Variants in NELFCD observed in about 807,000 individuals in gnomAD.
The protein encoded by NELFCD is negative elongation factor C/D.
In NELFCD, 48 loss-of-function variants were observed where a neutral mutation model predicts 72.9. The ratio of observed to expected loss-of-function variants is 0.66; its 90% CI spans 0.52 to 0.84. The LOEUF (loss-of-function observed/expected upper bound fraction) is 0.84. Among genes scored for constraint, NELFCD ranks in the 40% least tolerant of loss-of-function variants. NELFCD has a pLI of 0.00. For missense variants in NELFCD, 538 were observed against 723.8 expected (o/e 0.74, Z 2.94); for synonymous variants, 297 against 280.6 (o/e 1.06, Z -0.59).
chr20:58,984,060 G>A (rs920779216), intron 1 of NELFCD, among the ~76,000 whole-genome samples: 1 of 152,152 alleles, frequency 6.6e-6, no homozygotes, highest in African/African-American at 2.4e-5. Flanking sequence ...AAAGATAGTT[G>A]GTGACCCAAA....
In NELFCD at chr20:58,991,320, T is replaced by G; in HGVS notation, c.963T>G (p.Val321=). ...CATATGCTTCTCCTCAGATCCGCGT[T>G]CCAGCCTTCCTGGACCTGTTCATGC... The part of the protein sequence containing the change: ...MDPPPVELIR[V]PAFLDLFMQS... The change falls in exon 9 of 15, where the codon GTT becomes GTG. Residue 321 remains valine (V), a synonymous_variant. Transcript: ENST00000652272. 2.5e-6 allele frequency: 4 copies of G among 1,614,182 alleles called. No homozygotes were observed. The highest frequency in any genetic ancestry group is 3.4e-6 in the Non-Finnish European group (4 of 1,180,034).
chr20:58,993,787 C>G lies in NELFCD; in HGVS notation c.1581+23C>G. The G allele has an allele frequency of 1.2e-6, 2 of 1,612,578 alleles. No individual in the cohort carries two copies. The highest frequency in any genetic ancestry group is 1.7e-6 in the Non-Finnish European group (2 of 1,179,352). On this transcript the variant is annotated intron_variant, in intron 13 of 14. Coordinates refer to ENST00000652272, the MANE Select transcript of NELFCD (RefSeq NM_198976.4). The surrounding 1 kb of genome is among the most constrained non-coding windows in gnomAD (Gnocchi z 5.0). The stretch of plus-strand genomic sequence containing the variant: ...GAGGTCAGCAATGCACCGTTGGTTT[C>G]ATGTTTCATACTGTTTACACTAGCA...
intron 7 of NELFCD, chr20:58,990,252 T>G: frequency 2.5e-6 from 1 of 397,752 alleles, no homozygotes; most frequent in Non-Finnish European, 4.7e-6. Flanking sequence ...AATACAAAAT[T>G]AGCCGGGTGT....
chr20:58,987,907 T>C (rs889474094), intron 4 of NELFCD, 90 bp downstream of exon 4: 5 of 936,112 alleles, frequency 5.3e-6, no homozygotes, highest in Non-Finnish European at 8.5e-6. Context: ...ATCATGTAAG[T>C]AATGGCAGAG....
chr20:58,983,893 T>G (rs1279141887), intron 1 of NELFCD, among the ~76,000 whole-genome samples: 1 of 152,062 alleles, frequency 6.6e-6, no homozygotes. Context: ...TTGGGGAATT[T>G]TAATCATGAT....
intron 14 of NELFCD, 126 bp from the exon 15 acceptor site, chr20:58,994,516 C>T (rs977938156): frequency 2.9e-5 from 23 of 796,246 alleles, no homozygotes; most frequent in Middle Eastern, 5.0e-4. Flanking sequence ...GAGCCAAGAT[C>T]GCGCCATTGC....
At position 58,991,398 on chromosome 20, in the gene NELFCD, C is replaced by T. The variant is rs755355355; in HGVS notation, c.1041C>T (p.Tyr347=). Residue 347 remains tyrosine, a synonymous_variant, in exon 9 of 15, where the codon TAC becomes TAT. Transcript: ENST00000652272. ...ARINQDHKHK[Y]IHILAYAASV... ...TCAACCAGGACCACAAGCACAAATACATCCACATCTTGGCGTACGCAGCAA... is the reference window on the plus strand; with the variant it reads ...TCAACCAGGACCACAAGCACAAATATATCCACATCTTGGCGTACGCAGCAA... 3.1e-6 allele frequency: 5 copies of T among 1,614,238 alleles called. No homozygotes were observed. Among genetic ancestry groups the T allele is most frequent in the Non-Finnish European group, 4.2e-6 (5 of 1,180,044 alleles).
At chr20:58,983,453 T>C (rs1176155992) in intron 1 of NELFCD, among the ~76,000 whole-genome samples, 7 of 141,280 alleles carry the variant, frequency 5.0e-5, no homozygotes, top group Middle Eastern at 4.0e-3. Context: ...TTTTTTTTTT[T>C]CTTTGAGACG....
chr20:58,981,853 C>CT (rs1424423049), intron 1 of NELFCD, among the ~76,000 whole-genome samples: 1 of 152,210 alleles, frequency 6.6e-6, no homozygotes, highest in Non-Finnish European at 1.5e-5. Flanking sequence ...GTTTTATAAA[C>CT]TGTACTCTTC....
rs1316555222 is a variant in NELFCD, at chr20:58,986,916, T to C, written c.286+53T>C. The stretch of plus-strand genomic sequence containing the variant: ...CTAGTTACCCCCACTTTTTTAAAAA[T>C]AGACTTTTGGGTCCTTATAACACTG... On this transcript the variant is annotated intron_variant, in intron 3 of 14. Coordinates refer to ENST00000652272, the MANE Select transcript of NELFCD (RefSeq NM_198976.4). This position sits in a 1 kb window ranked among gnomAD's most constrained non-coding sequence, Gnocchi z 4.4. The C allele has an allele frequency of 8.3e-7, 1 of 1,197,982 alleles. No individual in the cohort carries two copies. Among genetic ancestry groups the C allele is most frequent in the East Asian group, 2.4e-5 (1 of 42,308 alleles). 74.2% of individuals were successfully genotyped at this position (1,197,982 alleles called of 1,614,324 possible).
At position 58,993,451 on chromosome 20, in the gene NELFCD, C is replaced by T; in HGVS notation, c.1347C>T (p.Ile449=). The part of the protein sequence containing the change: ...TPVHLALLDE[I]STCHQLLHPQ... The stretch of plus-strand genomic sequence containing the variant: ...AGCTCCCTCTGGCCTGTTTGTAGAT[C>T]AGCACCTGCCACCAGCTCCTGCACC... The change falls in exon 12 of 15, where the codon ATC becomes ATT. Residue 449 remains isoleucine (I), a splice_region_variant and synonymous_variant. Transcript: ENST00000652272. The surrounding 1 kb of genome is among the most constrained non-coding windows in gnomAD (Gnocchi z 5.0). The T allele has an allele frequency of 6.2e-7, 1 of 1,613,520 alleles. No individual in the cohort carries two copies. Among genetic ancestry groups the T allele is most frequent in the Non-Finnish European group, 8.5e-7 (1 of 1,180,002 alleles).
At chr20:58,983,177 C>T (rs2091748684) in intron 1 of NELFCD, among the ~76,000 whole-genome samples, 1 of 149,618 alleles carries the variant, frequency 6.7e-6, no homozygotes, top group South Asian at 2.1e-4. Flanking sequence ...CGCTTAGCTG[C>T]TCAGGCTGGA....
At chr20:58,983,337 C>T (rs1201121654) in intron 1 of NELFCD, among the ~76,000 whole-genome samples, 3 of 151,810 alleles carry the variant, frequency 2.0e-5, no homozygotes, top group Admixed American at 6.6e-5. Flanking sequence ...TGTTTCACCA[C>T]GTTGGCCAGG....
chr20:58,987,704 T>A lies in NELFCD; in HGVS notation c.287-4T>A, dbSNP rs765226056. ...ATTGTCTAGTTGCTTTTATTCTCTT[T>A]CAGGTGTTGAGCCAGTGCAGGTTCA... On this transcript the variant is annotated splice_polypyrimidine_tract_variant and splice_region_variant and intron_variant, in intron 3 of 14. Transcript: ENST00000652272. 6.2e-7 allele frequency: 1 copy of A among 1,612,890 alleles called. No homozygotes were observed. Among genetic ancestry groups the A allele is most frequent in the African/African-American group, 1.3e-5 (1 of 74,888 alleles).
In NELFCD at chr20:58,992,979, C is replaced by A; in HGVS notation, c.1230-19C>A. On this transcript the variant is annotated intron_variant, in intron 10 of 14. Transcript: ENST00000652272. ...GTTTTAAATTGTTTTTTAAAGGAAG[C>A]ATTCTGCCTTAACTGTAGGTTTCCA... is the stretch of plus-strand genomic sequence containing the variant. The A allele has an allele frequency of 1.3e-6, 2 of 1,552,536 alleles. No homozygotes were observed. The highest frequency in any genetic ancestry group is 1.8e-6 in the Non-Finnish European group (2 of 1,124,596).
chr20:58,991,812 A>G, intron 9 of NELFCD, 69 bp from the exon 10 acceptor site: 1 of 1,561,360 alleles, frequency 6.4e-7, no homozygotes, highest in South Asian at 1.2e-5. Context: ...GAAGTGGCCG[A>G]CACCAGAACA....
intron 14 of NELFCD, among the ~76,000 whole-genome samples, 176 bp from the exon 15 acceptor site, chr20:58,994,466 G>A (rs538955384): frequency 2.0e-5 from 3 of 151,880 alleles, no homozygotes; most frequent in Non-Finnish European, 4.4e-5. Context: ...GGGAGGCTGA[G>A]GCAGGAGAAT....
At chr20:58,981,409 C>G in intron 1 of NELFCD, 40 bp downstream of exon 1, 1 of 942,808 alleles carries the variant, frequency 1.1e-6, no homozygotes, top group Admixed American at 5.5e-5. Flanking sequence ...GAGAATCGTT[C>G]GTCTCCGCCG....
chr20:58,981,646 G>A (rs2091733726), intron 1 of NELFCD, among the ~76,000 whole-genome samples: 1 of 151,344 alleles, frequency 6.6e-6, no homozygotes, highest in African/African-American at 2.4e-5. Flanking sequence ...GGGGCGGCCC[G>A]AGGCCCCCAG....
Sources: allele counts gnomAD v4.1 joint callset (sites outside exome capture counted in the v4.1 genomes callset), GRCh38; gene constraint gnomAD v4.1.1; non-coding constraint Gnocchi (gnomAD v3.1); transcripts MANE v1.5; gene names NCBI Gene and HGNC (gene_info 2026-07-23, HGNC 2026-07-21).